EYA3: variants seen among roughly 807,000 people sequenced by gnomAD.
EYA3 encodes EYA transcriptional coactivator and phosphatase 3, also known as protein phosphatase EYA3.
In EYA3, 39 loss-of-function variants were observed where a neutral mutation model predicts 80.0. The ratio of observed to expected loss-of-function variants is 0.49; its 90% confidence interval spans 0.38 to 0.64. The LOEUF is 0.64. EYA3 is among the 30% of genes least tolerant of loss of function. The pLI is 0.00. For synonymous variants in EYA3, 206 were observed against 232.8 expected, an observed-to-expected ratio of 0.88 and a Z score of 1.05; for missense variants, 523 against 676.1, an observed-to-expected ratio of 0.77 and a Z score of 2.51.
chr1:28,056,069 A>T (rs521908), intron 2 of EYA3, among the ~76,000 whole-genome samples: 41,436 of 151,628 alleles, frequency 0.27, 5,682 homozygotes, highest in African/African-American at 0.29. Context: ...TTGTGTTTTC[A>T]TAGATTCTGT....
intron 16 of EYA3, among the ~76,000 whole-genome samples, chr1:27,988,186 T>C (rs563490113): frequency 1.1e-4 from 17 of 152,322 alleles, no homozygotes; most frequent in Non-Finnish European, 1.6e-4. Flanking sequence ...TTTAGGTATA[T>C]AGTTTAGAAG....
chr1:28,010,709 T>C (rs1641632654), intron 10 of EYA3: 1 of 458,834 alleles, frequency 2.2e-6, no homozygotes, highest in Non-Finnish European at 3.8e-6. Context: ...TGACTTTACT[T>C]GTAACTCCCT....
chr1:28,037,720 G>C (rs1239660066), intron 5 of EYA3, among the ~76,000 whole-genome samples: 1 of 152,204 alleles, frequency 6.6e-6, no homozygotes, highest in African/African-American at 2.4e-5. Context: ...TTAAAAATTA[G>C]AAGAACTCAT....
chr1:28,057,629 A>T (rs931111691), intron 2 of EYA3, among the ~76,000 whole-genome samples: 6 of 152,146 alleles, frequency 3.9e-5, no homozygotes, highest in Non-Finnish European at 8.8e-5. Flanking sequence ...CACTACTACT[A>T]CTTTTTAAAA....
At chr1:28,014,738 A>G (rs939538757) in intron 8 of EYA3, among the ~76,000 whole-genome samples, 9 of 152,038 alleles carry the variant, frequency 5.9e-5, no homozygotes, top group Non-Finnish European at 1.3e-4. Context: ...AAAAAAAAAA[A>G]AAGGTTTCTT....
chr1:28,068,091 T>A (rs1644895692), intron 1 of EYA3, among the ~76,000 whole-genome samples: 2 of 152,108 alleles, frequency 1.3e-5, no homozygotes, highest in South Asian at 4.1e-4. Context: ...ATCCCAGCAC[T>A]TTGGGAGGCT....
intron 7 of EYA3, among the ~76,000 whole-genome samples, chr1:28,023,116 T>A (rs1642559085): frequency 6.6e-6 from 1 of 150,400 alleles, no homozygotes; most frequent in Admixed American, 6.6e-5. Flanking sequence ...ACTAAAAAAA[T>A]GGGAGTATGT....
chr1:27,984,734 C>A (rs1385215928), intron 16 of EYA3, among the ~76,000 whole-genome samples: 10 of 152,088 alleles, frequency 6.6e-5, no homozygotes, highest in Admixed American at 6.6e-4. Context: ...TTTCCATCTG[C>A]ATATAAAATA....
chr1:28,034,091 T>A (rs1643313020), intron 6 of EYA3, among the ~76,000 whole-genome samples: 1 of 151,778 alleles, frequency 6.6e-6, no homozygotes. Context: ...CTCAAAATAA[T>A]AATAATAATA....
rs1638752048 is a variant in EYA3 at position 27,972,007 on chromosome 1, C to A, written c.*2459G>T. 1 of 152,116 alleles carries A rather than the reference C, an allele frequency of 6.6e-6. No homozygotes were observed. The highest frequency in any genetic ancestry group is 2.4e-5 in the African/African-American group (1 of 41,398). 9.4% of individuals were successfully genotyped at this position (152,116 alleles called of 1,614,324 possible). On this transcript the variant is annotated 3_prime_UTR_variant, in exon 18 of 18. Coordinates refer to ENST00000373871, the MANE Select transcript of EYA3 (RefSeq NM_001990.4). ...TTTGGAAAGAGCTAAGCTAGGAAGT[C>A]AGAGTAAGAGGAAAAAGGCCAATGA...
intron 1 of EYA3, among the ~76,000 whole-genome samples, chr1:28,086,827 C>G (rs1353417119): frequency 1.3e-5 from 2 of 152,154 alleles, no homozygotes; most frequent in South Asian, 4.1e-4. Flanking sequence ...AGAGGCTTCA[C>G]TTAGCAGTTA....
chr1:28,006,932 A>ATTTT (rs1557557736), intron 10 of EYA3, among the ~76,000 whole-genome samples: 1 of 127,312 alleles, frequency 7.9e-6, no homozygotes, highest in African/African-American at 3.0e-5. Context: ...AGATGACATA[A>ATTTT]TCTTTTTTTT....
At chr1:28,046,276 A>G (rs1644002699) in intron 3 of EYA3, among the ~76,000 whole-genome samples, 1 of 152,236 alleles carries the variant, frequency 6.6e-6, no homozygotes, top group African/African-American at 2.4e-5. Context: ...TAGTAAAAAA[A>G]TTGCTGAAGG....
At chr1:28,005,276 G>A (rs562669299) in intron 10 of EYA3, among the ~76,000 whole-genome samples, 20 of 152,042 alleles carry the variant, frequency 1.3e-4, no homozygotes, top group Non-Finnish European at 2.9e-4. Flanking sequence ...GAATTAACAC[G>A]AATCCTCCTT....
rs112537572 is a variant in EYA3 at position 28,050,702 on chromosome 1, C to G, written c.34-2276G>C. On this transcript the variant is annotated intron_variant, in intron 2 of 17. Coordinates refer to ENST00000373871, the MANE Select transcript of EYA3 (RefSeq NM_001990.4). ...TTTTTTTGTTTTGTTTTGTTTTTAACCTCATATGGCCCATTGTTTGTCTTG... is the reference window on the plus strand; with the variant it reads ...TTTTTTTGTTTTGTTTTGTTTTTAAGCTCATATGGCCCATTGTTTGTCTTG... 7.7e-3 allele frequency among the ~76,000 whole-genome samples: 1,169 copies of G among 151,760 alleles called. 10 individuals carry two copies. Among genetic ancestry groups the G allele is most frequent in the Middle Eastern group, 0.051 (15 of 294 alleles).
chr1:28,062,872 C>T (rs183409079), intron 1 of EYA3, among the ~76,000 whole-genome samples: 6 of 151,900 alleles, frequency 3.9e-5, no homozygotes, highest in African/African-American at 9.7e-5. Flanking sequence ...CGTGGTGGCA[C>T]GCGCCTGTAA....
intron 3 of EYA3, among the ~76,000 whole-genome samples, chr1:28,043,782 G>A (rs1041687125): frequency 1.3e-5 from 2 of 152,198 alleles, no homozygotes; most frequent in South Asian, 4.1e-4. Flanking sequence ...AAGTTGCAGT[G>A]ATTGGAGATG....
chr1:27,999,170 G>T (rs1640659505), intron 12 of EYA3, among the ~76,000 whole-genome samples: 1 of 152,204 alleles, frequency 6.6e-6, no homozygotes, highest in East Asian at 1.9e-4. Flanking sequence ...GAAGTGAAAA[G>T]TGTGCTCCCT....
At chr1:28,061,591 GTT>G (rs61325259) in intron 1 of EYA3, among the ~76,000 whole-genome samples, 1 of 144,896 alleles carries the variant, frequency 6.9e-6, no homozygotes, top group Non-Finnish European at 1.5e-5. Context: ...AATTTAACGT[GTT>G]TTTTTTTTTT....
Sources: allele counts gnomAD v4.1 joint callset (sites outside exome capture counted in the v4.1 genomes callset), GRCh38; gene constraint gnomAD v4.1.1; transcripts MANE v1.5; gene names NCBI Gene and HGNC (gene_info 2026-07-23, HGNC 2026-07-21).